The following DTWD2 variants were observed in gnomAD, a reference collection of about 807,000 sequenced individuals.
DTWD2 encodes the protein tRNA-uridine aminocarboxypropyltransferase 2.
In DTWD2, 39 loss-of-function variants were observed where a neutral mutation model predicts 31.8. That is an observed-to-expected ratio of 1.22 (90% confidence interval 0.95 to 1.60). The LOEUF is 1.60. Among genes scored for constraint, DTWD2 ranks in the 40% most tolerant of loss-of-function variants. The pLI, the probability that DTWD2 is intolerant of heterozygous loss-of-function variation, is 0.00. For missense variants in DTWD2, 515 were observed against 381.5 expected (o/e 1.35, Z -2.92); for synonymous variants, 180 against 142.8 (o/e 1.26, Z -1.86).
chr5:118,985,517 T>TATATATATATATATATAA, intron 1 of DTWD2, among the ~76,000 whole-genome samples: 1 of 107,742 alleles, frequency 9.3e-6, no homozygotes, highest in South Asian at 3.1e-4. Context: ...TATATATATA[T>TATATATATATATATATAA]ACACACACAT....
At chr5:118,852,959 A>G (rs1440705484) in intron 4 of DTWD2, among the ~76,000 whole-genome samples, 3 of 152,214 alleles carry the variant, frequency 2.0e-5, no homozygotes, top group Admixed American at 6.5e-5. Flanking sequence ...GAATTAATGC[A>G]GGAACAGAAA....
intron 5 of DTWD2, among the ~76,000 whole-genome samples, chr5:118,846,607 A>C (rs1200005451): frequency 6.6e-6 from 1 of 152,198 alleles, no homozygotes; most frequent in Non-Finnish European, 1.5e-5. Flanking sequence ...AGAGAAAGCA[A>C]GTTTAAACAA....
At chr5:118,919,091 C>G (rs899017828) in intron 4 of DTWD2, among the ~76,000 whole-genome samples, 1 of 152,140 alleles carries the variant, frequency 6.6e-6, no homozygotes, top group Non-Finnish European at 1.5e-5. Context: ...ATTTAATTAT[C>G]CTGACAGGAA....
intron 4 of DTWD2, among the ~76,000 whole-genome samples, chr5:118,858,447 T>C (rs1468506879): frequency 2.0e-5 from 3 of 152,216 alleles, no homozygotes; most frequent in South Asian, 2.1e-4. Context: ...AAAAGTGTGA[T>C]TGTCTTTTCG....
intron 4 of DTWD2, among the ~76,000 whole-genome samples, chr5:118,866,743 C>T (rs1266312255): frequency 6.6e-6 from 1 of 151,738 alleles, no homozygotes; most frequent in Non-Finnish European, 1.5e-5. Flanking sequence ...GTGGTGAAAC[C>T]CCATCTCTAC....
At chr5:118,875,424 C>G (rs979296487) in intron 4 of DTWD2, among the ~76,000 whole-genome samples, 1 of 151,816 alleles carries the variant, frequency 6.6e-6, no homozygotes, top group Non-Finnish European at 1.5e-5. Flanking sequence ...GTATAAAGAA[C>G]CAAGACCTAT....
chr5:118,982,158 T>A (rs1028872302), intron 1 of DTWD2, among the ~76,000 whole-genome samples: 29 of 152,230 alleles, frequency 1.9e-4, no homozygotes, highest in African/African-American at 6.8e-4. Context: ...AATTTTAGGC[T>A]AGACTATTTC....
chr5:118,883,200 G>A (rs1198063650), intron 4 of DTWD2, among the ~76,000 whole-genome samples: 1 of 152,154 alleles, frequency 6.6e-6, no homozygotes, highest in Admixed American at 6.5e-5. Flanking sequence ...CTTTGCTAAA[G>A]CATAGCAAGA....
chr5:118,858,907 T>A (rs997091050), intron 4 of DTWD2, among the ~76,000 whole-genome samples: 1 of 152,216 alleles, frequency 6.6e-6, no homozygotes, highest in Non-Finnish European at 1.5e-5. Flanking sequence ...GCCTCCTTTA[T>A]ACCATCCAAT....
chr5:118,899,171 T>C (rs1032137183), intron 4 of DTWD2, among the ~76,000 whole-genome samples: 2 of 152,230 alleles, frequency 1.3e-5, no homozygotes, highest in Non-Finnish European at 1.5e-5. Context: ...GGCCCGCAAC[T>C]TGTAGCACTG....
chr5:118,916,390 G>A (rs914862629), intron 4 of DTWD2, among the ~76,000 whole-genome samples: 1 of 152,164 alleles, frequency 6.6e-6, no homozygotes. Flanking sequence ...TTAAGGCCGG[G>A]TGCAGTGGCT....
intron 1 of DTWD2, among the ~76,000 whole-genome samples, chr5:118,961,558 T>C (rs930780225): frequency 1.3e-5 from 2 of 152,218 alleles, no homozygotes; most frequent in Non-Finnish European, 2.9e-5. Context: ...AATGTCCACA[T>C]GATTTATTCA....
rs556748465 is a variant in DTWD2 at position 118,895,879 on chromosome 5, A to G, written c.597+32658T>C. 2.6e-5 allele frequency among the ~76,000 whole-genome samples: 4 copies of G among 152,306 alleles called. No homozygotes were observed. The South Asian group carries it at 8.3e-4, about 32-fold the overall frequency. On this transcript the variant is annotated intron_variant, in intron 4 of 5. Coordinates refer to ENST00000510708, the MANE Select transcript of DTWD2 (RefSeq NM_173666.4). ...ACTACCAAGCCTCAGTTCCTCATAT[A>G]ACATGGAACCATTAATAATACTCAT...
In DTWD2 at chr5:118,838,726, T is replaced by C. The variant is rs542805867; in HGVS notation, c.*2191A>G. ...CATACTTCAAGAAAATTTTATACATTTCCAAAAACACTAAATTTTAAGCTT... is the reference window on the plus strand; with the variant it reads ...CATACTTCAAGAAAATTTTATACATCTCCAAAAACACTAAATTTTAAGCTT... On this transcript the variant is annotated 3_prime_UTR_variant, in exon 6 of 6. Transcript: ENST00000510708. 77 of 151,228 alleles carry C rather than the reference T, an allele frequency of 5.1e-4. No homozygotes were observed. The highest frequency in any genetic ancestry group is 1.7e-3 in the African/African-American group (68 of 40,784). 9.4% of individuals were successfully genotyped at this position (151,228 alleles called of 1,614,324 possible).
intron 4 of DTWD2, among the ~76,000 whole-genome samples, chr5:118,873,412 C>G (rs1322073806): frequency 6.6e-6 from 1 of 152,156 alleles, no homozygotes; most frequent in Admixed American, 6.5e-5. Flanking sequence ...CCCTGGGGGC[C>G]TATACCATAC....
chr5:118,877,463 C>T (rs1288644954), intron 4 of DTWD2, among the ~76,000 whole-genome samples: 1 of 151,662 alleles, frequency 6.6e-6, no homozygotes, highest in African/African-American at 2.4e-5. Flanking sequence ...CAGAGCAAGA[C>T]TCCGTCTCAA....
chr5:118,939,245 G>T lies in DTWD2; in HGVS notation c.355C>A (p.Pro119Thr). Residue 119 changes from proline (P) to threonine (T), a missense_variant, in exon 3 of 6, where the codon CCC (proline) becomes ACC (threonine). By Grantham distance (38) the Pro-to-Thr change is conservative. Coordinates refer to ENST00000510708, the MANE Select transcript of DTWD2 (RefSeq NM_173666.4). The stretch of plus-strand genomic sequence containing the variant: ...ATCTTCACTTTACACTTGTCCTGGG[G>T]GAGGCATGCTGCTAGTAGAGGAACT... ...RTVPLLAACL[P>T]QDKCKVKIGR... 6.2e-7 allele frequency: 1 copy of T among 1,602,264 alleles called. No homozygotes were observed. Among genetic ancestry groups the T allele is most frequent in the South Asian group, 1.1e-5 (1 of 89,274 alleles).
intron 1 of DTWD2, among the ~76,000 whole-genome samples, chr5:118,953,732 C>G (rs373187994): frequency 1.6e-4 from 25 of 152,268 alleles, no homozygotes; most frequent in South Asian, 8.3e-4. Context: ...TCCACCTGAG[C>G]TGGACTGCTA....
chr5:118,965,738 G>A (rs1034200294), intron 1 of DTWD2, among the ~76,000 whole-genome samples: 1 of 152,050 alleles, frequency 6.6e-6, no homozygotes, highest in Non-Finnish European at 1.5e-5. Flanking sequence ...CCTGAAGGCA[G>A]CATGCTCGTT....
Sources: allele counts gnomAD v4.1 joint callset (sites outside exome capture counted in the v4.1 genomes callset), GRCh38; gene constraint gnomAD v4.1.1; transcripts MANE v1.5; gene names NCBI Gene and HGNC (gene_info 2026-07-23, HGNC 2026-07-21).